HERC2: variants seen among roughly 807,000 people sequenced by gnomAD.
HERC2 encodes the protein HECT and RLD domain containing E3 ubiquitin protein ligase 2.
HERC2 carries 102 observed loss-of-function variants against 537.7 expected under a neutral mutation model. That is an observed-to-expected ratio of 0.19 (90% CI 0.16 to 0.22). HERC2 has a LOEUF of 0.22. Ranked by LOEUF, HERC2 falls within the 10% of genes least tolerant of loss-of-function variation. The probability of loss-of-function intolerance (pLI) is 1.00; values close to 1 mark genes in which losing one functional copy is unlikely to be tolerated. For synonymous variants in HERC2, 2,224 were observed against 2,466.2 expected, an observed-to-expected ratio of 0.90 and a Z score of 2.91; for missense variants, 4,236 against 6,198.2, an observed-to-expected ratio of 0.68 and a Z score of 10.63.
At chr15:28,140,253 G>C (rs1891078520) in intron 78 of HERC2, among the ~76,000 whole-genome samples, 2 of 152,072 alleles carry the variant, frequency 1.3e-5, no homozygotes, top group South Asian at 4.1e-4. Flanking sequence ...ACCCGCTCCA[G>C]TCTTGATCAA....
intron 64 of HERC2, among the ~76,000 whole-genome samples, chr15:28,175,143 G>T (rs1300927189): frequency 8.6e-5 from 13 of 151,828 alleles, no homozygotes; most frequent in Admixed American, 1.3e-4. Flanking sequence ...CACTTGTCAG[G>T]CACTAGCTCT....
In HERC2 at chr15:28,135,537, T is replaced by A. The variant is rs762119734; in HGVS notation, c.12171A>T (p.Glu4057Asp). The change falls in exon 79 of 93, where the codon GAA (glutamate) becomes GAT (aspartate). Residue 4057 changes from glutamate to aspartate, a missense_variant. By Grantham distance (45) the Glu-to-Asp change is conservative. Coordinates refer to ENST00000261609, the MANE Select transcript of HERC2 (RefSeq NM_004667.6). ...CCTCACCCCAAGAGTAAACTTCTCC[T>A]TCTGAAGACAGGGCAAGGCAGTGCT... ...GGKHCLALSS[E>D]GEVYSWGEAE... is the part of the protein sequence containing the mutation. The A allele has an allele frequency of 2.0e-5, 33 of 1,614,096 alleles. No individual in the cohort carries two copies. Among genetic ancestry groups the A allele is most frequent in the Non-Finnish European group, 2.8e-5 (33 of 1,180,036 alleles).
At position 28,250,347 on chromosome 15, in the gene HERC2, C is replaced by A. The variant is rs554740788; in HGVS notation, c.3051-1611G>T. ...CACCACCAGACATCACCTTCACTACCTGATACCCTGCCTGGATAACACCAC... is the reference window on the plus strand; with the variant it reads ...CACCACCAGACATCACCTTCACTACATGATACCCTGCCTGGATAACACCAC... On this transcript the variant is annotated intron_variant, in intron 20 of 92. Transcript: ENST00000261609. Among the ~76,000 whole-genome samples, 718 of 152,232 alleles carry A rather than the reference C, an allele frequency of 4.7e-3. 1 individual carries two copies. The highest frequency in any genetic ancestry group is 0.015 in the African/African-American group (637 of 41,494).
intron 85 of HERC2, 149 bp downstream of exon 85, chr15:28,123,888 G>A: frequency 1.8e-6 from 1 of 563,080 alleles, no homozygotes; most frequent in East Asian, 3.4e-5. Context: ...AAAGTACCCA[G>A]AACAGAGCCT....
chr15:28,151,574 G>C (rs1176290442), intron 70 of HERC2, among the ~76,000 whole-genome samples: 1 of 152,108 alleles, frequency 6.6e-6, no homozygotes, highest in Non-Finnish European at 1.5e-5. Context: ...CAGGTGAAGA[G>C]TGGCAACCTA....
chr15:28,283,560 T>C (rs1320386826), intron 4 of HERC2, among the ~76,000 whole-genome samples: 1 of 152,204 alleles, frequency 6.6e-6, no homozygotes, highest in Non-Finnish European at 1.5e-5. Context: ...ATGGAAGTTC[T>C]CTAAGCAGAA....
intron 16 of HERC2, among the ~76,000 whole-genome samples, chr15:28,259,514 A>G (rs2075359656): frequency 1.3e-5 from 2 of 152,228 alleles, no homozygotes; most frequent in East Asian, 1.9e-4. Context: ...ACACATGCCA[A>G]TATTTTGTAT....
At chr15:28,264,520 T>C (rs564347161) in intron 14 of HERC2, among the ~76,000 whole-genome samples, 39 of 152,346 alleles carry the variant, frequency 2.6e-4, no homozygotes, top group African/African-American at 9.4e-4. Context: ...AGGATACTTC[T>C]ACTGTAACAG....
In HERC2 at chr15:28,256,231, C is replaced by T. The variant is rs139718674; in HGVS notation, c.2604G>A (p.Thr868=). 1.4e-5 allele frequency: 23 copies of T among 1,599,718 alleles called. No homozygotes were observed. Among genetic ancestry groups the T allele is most frequent in the African/African-American group, 5.3e-5 (4 of 74,984 alleles). The part of the protein sequence containing the change: ...GSILLNSLKQ[T]VVTLASSAGV... ...CCGCACTGCTGGCCAGGGTCACCAC[C>T]GTCTGCTTCAGGCTGTTCAGGAGGA... The change falls in exon 18 of 93, where the codon ACG becomes ACA. Residue 868 remains threonine (T), a synonymous_variant. Coordinates refer to ENST00000261609, the MANE Select transcript of HERC2 (RefSeq NM_004667.6).
In HERC2 at chr15:28,255,933, C is replaced by T; in HGVS notation, c.2810G>A (p.Ser937Asn). Residue 937 changes from serine to asparagine, a missense_variant, in exon 19 of 93, where the codon AGC becomes AAC. By Grantham distance (46) the Ser-to-Asn change is conservative. Transcript: ENST00000261609. ...RRFMIDLLVG[S>N]LMADGGLESA... ...CTCCAACCCTCCATCAGCCATCAAGCTGCCCACCAGAAGATCAATCATGAA... is the reference window on the plus strand; with the variant it reads ...CTCCAACCCTCCATCAGCCATCAAGTTGCCCACCAGAAGATCAATCATGAA... 6.2e-7 allele frequency: 1 copy of T among 1,605,212 alleles called. No individual in the cohort carries two copies. The highest frequency in any genetic ancestry group is 8.5e-7 in the Non-Finnish European group (1 of 1,179,808).
Position 28,274,292 on chromosome 15 carries a change from C to A in HERC2, c.799G>T (p.Gly267Trp). Reference protein sequence around the residue: ...ATRFLRSVVTGDVHGTPATKG... With the variant: ...ATRFLRSVVTWDVHGTPATKG... ...AAGGCAAGAAAGGAAAGAACTCACC[C>A]CGTCACGACGGACCTGAGGAACCTG... The change falls in exon 7 of 93, where the codon GGG becomes TGG. Residue 267 changes from glycine (G) to tryptophan (W), a missense_variant and splice_region_variant. Transcript: ENST00000261609. 6.2e-7 allele frequency: 1 copy of A among 1,614,122 alleles called. No individual in the cohort carries two copies. The highest frequency in any genetic ancestry group is 1.1e-5 in the South Asian group (1 of 91,062).
chr15:28,266,212 T>A (rs1416711409), intron 12 of HERC2, among the ~76,000 whole-genome samples: 1 of 152,040 alleles, frequency 6.6e-6, no homozygotes, highest in Non-Finnish European at 1.5e-5. Flanking sequence ...AAAAATAGTG[T>A]TTGTTAAAGA....
chr15:28,209,284 A>T (rs1898841650), intron 44 of HERC2, among the ~76,000 whole-genome samples: 3 of 152,350 alleles, frequency 2.0e-5, no homozygotes, highest in African/African-American at 2.4e-5. Flanking sequence ...ACAATTTTTT[A>T]AAATATAATT....
intron 10 of HERC2, among the ~76,000 whole-genome samples, chr15:28,270,435 A>G (rs1460296967): frequency 2.0e-5 from 3 of 151,996 alleles, no homozygotes; most frequent in Non-Finnish European, 4.4e-5. Context: ...GCTGTGGATA[A>G]AGGGGAGCTC....
At chr15:28,220,805 C>T (rs1900448632) in intron 36 of HERC2, among the ~76,000 whole-genome samples, 161 bp from the exon 37 acceptor site, 1 of 148,734 alleles carries the variant, frequency 6.7e-6, no homozygotes, top group African/African-American at 2.5e-5. Flanking sequence ...CTGCCCTGGT[C>T]CTTCCATAGC....
At chr15:28,233,875 A>C in intron 27 of HERC2, 79 bp from the exon 28 acceptor site, 1 of 1,373,176 alleles carries the variant, frequency 7.3e-7, no homozygotes, top group Non-Finnish European at 1.0e-6. Context: ...ACAGCTTCTG[A>C]CGCACTTGCA....
intron 20 of HERC2, among the ~76,000 whole-genome samples, chr15:28,251,582 C>G (rs546713083): frequency 6.0e-4 from 91 of 152,304 alleles, no homozygotes; most frequent in African/African-American, 2.1e-3. Context: ...GGGCAGATTA[C>G]TTGAGGTCAG....
chr15:28,130,208 C>T lies in HERC2; in HGVS notation c.12757G>A (p.Ala4253Thr), dbSNP rs145535698. The T allele has an allele frequency of 2.3e-4, 366 of 1,614,182 alleles. No individual in the cohort carries two copies. Among genetic ancestry groups the T allele is most frequent in the Middle Eastern group, 3.3e-4 (2 of 6,062 alleles). ...VQGLQGKKVI[A>T]IATGSLHCVC... is the part of the protein sequence containing the mutation. ...CAGTGCAGGGAGCCAGTGGCGATGG[C>T]GATGACTTTCTTCCCCTGCAACCCT... The change falls in exon 83 of 93, where the codon GCC becomes ACC. Residue 4253 changes from alanine to threonine, a missense_variant. By Grantham distance (58) the Ala-to-Thr change is moderately conservative (BLOSUM62 0). Coordinates refer to ENST00000261609, the MANE Select transcript of HERC2 (RefSeq NM_004667.6).
Position 28,135,704 on chromosome 15 carries a change from A to C in HERC2, c.12016-12T>G. The stretch of plus-strand genomic sequence containing the variant: ...CCAGTGGCATACAGCTAAGAAAAGA[A>C]AAAGCAATAGTAACATCAGTTTTTA... On this transcript the variant is annotated splice_polypyrimidine_tract_variant and intron_variant, in intron 78 of 92. Coordinates refer to ENST00000261609, the MANE Select transcript of HERC2 (RefSeq NM_004667.6). 1 of 1,600,418 alleles carries C rather than the reference A, an allele frequency of 6.2e-7. No homozygotes were observed. The highest frequency in any genetic ancestry group is 1.3e-5 in the African/African-American group (1 of 74,796).
Sources: allele counts gnomAD v4.1 joint callset (sites outside exome capture counted in the v4.1 genomes callset), GRCh38; gene constraint gnomAD v4.1.1; transcripts MANE v1.5; gene names NCBI Gene and HGNC (gene_info 2026-07-23, HGNC 2026-07-21).